CCDC134: variants seen among roughly 807,000 people sequenced by gnomAD.
CCDC134 encodes the protein coiled-coil domain-containing protein 134.
Under a neutral mutation model 25.6 loss-of-function variants are expected in CCDC134, and 27 were observed. The observed-to-expected ratio is 1.05, with a 90% CI of 0.78 to 1.45. The LOEUF is 1.45. CCDC134 is among the 40% of genes most tolerant of loss of function. The pLI, the probability that CCDC134 is intolerant of heterozygous loss-of-function variation, is 0.00. For missense variants in CCDC134, 261 were observed against 286.7 expected, an observed-to-expected ratio of 0.91 and a Z score of 0.65; for synonymous variants, 110 against 115.0, an observed-to-expected ratio of 0.96 and a Z score of 0.28.
At chr22:41,810,391 T>C in intron 4 of CCDC134, 100 bp downstream of exon 4, 1 of 1,129,402 alleles carries the variant, frequency 8.9e-7, no homozygotes, top group Non-Finnish European at 1.3e-6. Flanking sequence ...TCCCCGGAAG[T>C]GCCCTCTTGT....
chr22:41,828,644 T>A lies in CCDC134; in HGVS notation c.*2821T>A, dbSNP rs1404870675. ...CACTTGCTCCAGGAAGTCCACTTGC[T>A]GAGTCTTACTGCAGACAGAGCCCAC... is the stretch of plus-strand genomic sequence containing the variant. On this transcript the variant is annotated 3_prime_UTR_variant, in exon 7 of 7. Transcript: ENST00000255784. Among the ~76,000 whole-genome samples the A allele has an allele frequency of 6.6e-6, 1 of 152,236 alleles. No homozygotes were observed. Among genetic ancestry groups the A allele is most frequent in the Non-Finnish European group, 1.5e-5 (1 of 68,042 alleles).
Position 41,810,272 on chromosome 22 carries a change from G to T in CCDC134, c.291G>T (p.Gln97His), listed in dbSNP as rs371419353. The change falls in exon 4 of 7, where the codon CAG (glutamine) becomes CAT (histidine). Residue 97 changes from glutamine (Q) to histidine (H), a missense_variant. Gln to His is a conservative substitution (Grantham distance 24). Coordinates refer to ENST00000255784, the MANE Select transcript of CCDC134 (RefSeq NM_024821.5). The part of the protein sequence containing the change: ...ADVLPDGPFP[Q>H]DEKLKDAFSH... ...TGCTCCCAGATGGGCCCTTCCCCCA[G>T]GACGAGAAGCTGAAGGATGGTATGG... is the stretch of plus-strand genomic sequence containing the variant. 1.9e-6 allele frequency: 3 copies of T among 1,613,878 alleles called. No homozygotes were observed. In the African/African-American group the frequency reaches 4.0e-5, roughly 22 times the overall value.
intron 4 of CCDC134, among the ~76,000 whole-genome samples, chr22:41,812,926 G>A (rs77767895): frequency 0.017 from 2,640 of 152,292 alleles, 64 homozygotes; most frequent in African/African-American, 0.06. Flanking sequence ...CACAGCAAAT[G>A]TGTCTTCTAA....
intron 1 of CCDC134, among the ~76,000 whole-genome samples, chr22:41,807,285 C>T (rs6002495): frequency 0.18 from 27,215 of 152,070 alleles, 7,448 homozygotes; most frequent in African/African-American, 0.59. Flanking sequence ...CTATAGTAGC[C>T]GGGTGCAGTG....
Position 41,830,970 on chromosome 22 carries a change from C to T in CCDC134, c.*5147C>T, listed in dbSNP as rs1371648614. Among the ~76,000 whole-genome samples, 1 of 144,804 alleles carries T rather than the reference C, an allele frequency of 6.9e-6. No individual in the cohort carries two copies. Among genetic ancestry groups the T allele is most frequent in the Non-Finnish European group, 1.5e-5 (1 of 67,534 alleles). 95.0% of individuals were successfully genotyped at this position (144,804 alleles called of 152,430 possible). A position where few individuals can be genotyped will look rare whatever the true frequency, so the allele number is the denominator to read the frequency against. ...GCGCGATCTCTGCTCACCGTAACTT[C>T]TGCCTCCCGGGTTCAAGCAAGTCTC... is the stretch of plus-strand genomic sequence containing the variant. On this transcript the variant is annotated 3_prime_UTR_variant, in exon 7 of 7. Transcript: ENST00000255784.
At position 41,826,465 on chromosome 22, in the gene CCDC134, A is replaced by G. The variant is rs1027640433; in HGVS notation, c.*642A>G. Among the ~76,000 whole-genome samples the G allele has an allele frequency of 1.3e-5, 2 of 152,184 alleles. No homozygotes were observed. The highest frequency in any genetic ancestry group is 1.3e-4 in the Admixed American group (2 of 15,286). On this transcript the variant is annotated 3_prime_UTR_variant, in exon 7 of 7. Transcript: ENST00000255784. The stretch of plus-strand genomic sequence containing the variant: ...TCCTACGCCATCACTGCCCTTGACA[A>G]ATGATTGGTGTTGGGAAAGGACCTG...
intron 1 of CCDC134, among the ~76,000 whole-genome samples, chr22:41,804,143 A>T (rs1386780022): frequency 6.6e-6 from 1 of 152,184 alleles, no homozygotes; most frequent in Non-Finnish European, 1.5e-5. Flanking sequence ...AAAAAAAAAG[A>T]AACGAGTAAG....
In CCDC134 at chr22:41,827,306, G is replaced by A. The variant is rs762277922; in HGVS notation, c.*1483G>A. On this transcript the variant is annotated 3_prime_UTR_variant, in exon 7 of 7. Transcript: ENST00000255784. ...CAGTGGAGGCAGGGCAGTGTGGTGG[G>A]ACTGACTCAACAGACATAGTTTCAT... 4.3e-4 allele frequency among the ~76,000 whole-genome samples: 65 copies of A among 152,134 alleles called. No individual in the cohort carries two copies. The highest frequency in any genetic ancestry group is 8.4e-4 in the Non-Finnish European group (57 of 68,030).
chr22:41,815,085 T>C (rs1467540452), intron 6 of CCDC134, among the ~76,000 whole-genome samples: 1 of 151,942 alleles, frequency 6.6e-6, no homozygotes, highest in Admixed American at 6.6e-5. Context: ...TTTGTATCTT[T>C]GGTGTGCCCT....
Position 41,818,270 on chromosome 22 carries a change from G to T in CCDC134, c.564+4448G>T, listed in dbSNP as rs2076632268. ...GTTTTCTACCAGGAAACTTAATGAG[G>T]GACCTAGTGCCTGGGTTTTTACTGG... On this transcript the variant is annotated intron_variant, in intron 6 of 6. Transcript: ENST00000255784. Among the ~76,000 whole-genome samples the T allele has an allele frequency of 2.0e-5, 3 of 152,258 alleles. No individual in the cohort carries two copies. The South Asian group carries it at 6.2e-4, about 32-fold the overall frequency.
intron 6 of CCDC134, among the ~76,000 whole-genome samples, chr22:41,823,649 G>A (rs955666515): frequency 7.9e-5 from 12 of 152,158 alleles, no homozygotes; most frequent in African/African-American, 1.7e-4. Flanking sequence ...ATTTAGTCCC[G>A]TTCAGGGTCC....
At chr22:41,809,731 A>T in intron 2 of CCDC134, 148 bp from the exon 3 acceptor site, 1 of 968,300 alleles carries the variant, frequency 1.0e-6, no homozygotes, top group African/African-American at 1.6e-5. Flanking sequence ...TGCACTTGTC[A>T]GTTTGTTCAT....
chr22:41,830,658 C>T lies in CCDC134; in HGVS notation c.*4835C>T, dbSNP rs2076701297. Among the ~76,000 whole-genome samples the T allele has an allele frequency of 1.3e-5, 2 of 152,106 alleles. No homozygotes were observed. The highest frequency in any genetic ancestry group is 4.1e-4 in the South Asian group (2 of 4,834). On this transcript the variant is annotated 3_prime_UTR_variant, in exon 7 of 7. Transcript: ENST00000255784. Reference sequence around the variant, plus strand: ...GACGAGAACAATGTTGTCTTGCTTTCCCAAAAAATAAGACACTATCTATTT... The same window carrying T: ...GACGAGAACAATGTTGTCTTGCTTTTCCAAAAAATAAGACACTATCTATTT...
intron 4 of CCDC134, 64 bp downstream of exon 4, chr22:41,810,355 C>T: frequency 6.9e-7 from 1 of 1,441,532 alleles, no homozygotes; most frequent in Non-Finnish European, 9.6e-7. Flanking sequence ...TGCTCCTTCT[C>T]TCCTGTTCTT....
At chr22:41,808,743 G>T in intron 1 of CCDC134, 132 bp from the exon 2 acceptor site, 1 of 698,976 alleles carries the variant, frequency 1.4e-6, no homozygotes, top group Non-Finnish European at 2.5e-6. Context: ...CAGCTTCAGG[G>T]CTCCCCAAAG....
rs138885744 is a variant in CCDC134, at chr22:41,809,953, C to A, written c.178C>A (p.His60Asn). The change falls in exon 3 of 7, where the codon CAC becomes AAC. Residue 60 changes from histidine to asparagine, a missense_variant. Coordinates refer to ENST00000255784, the MANE Select transcript of CCDC134 (RefSeq NM_024821.5). The stretch of plus-strand genomic sequence containing the variant: ...GAACCTGGCACAGCTGAACGACATC[C>A]ACCAGCAGTACAAGATCCTTGATGT... The part of the protein sequence containing the change: ...LKNLAQLNDI[H>N]QQYKILDVML... The A allele has an allele frequency of 1.9e-6, 3 of 1,614,174 alleles. No individual in the cohort carries two copies. The highest frequency in any genetic ancestry group is 2.5e-6 in the Non-Finnish European group (3 of 1,180,038).
intron 2 of CCDC134, 93 bp from the exon 3 acceptor site, chr22:41,809,776 CCTTGCAGATA>C: frequency 6.8e-7 from 1 of 1,480,746 alleles, no homozygotes; most frequent in Middle Eastern, 1.8e-4. Context: ...TGTCCATGGC[CCTTGCAGATA>C]CTTGCTGGTC....
At position 41,825,615 on chromosome 22, in the gene CCDC134, T is replaced by TCC. The variant is rs1476827539; in HGVS notation, c.565-81_565-80dup. On this transcript the variant is annotated intron_variant, in intron 6 of 6. Coordinates refer to ENST00000255784, the MANE Select transcript of CCDC134 (RefSeq NM_024821.5). This position sits in a 1 kb window ranked among gnomAD's most constrained non-coding sequence, Gnocchi z 4.4. ...GCCTGTGTCCAGGGAACCTTCCTAT[T>TCC]CCCACACCCCGCTGGTGGCCTAGCT... 5 of 1,570,744 alleles carry TCC rather than the reference T, an allele frequency of 3.2e-6. No individual in the cohort carries two copies. The highest frequency in any genetic ancestry group is 4.3e-6 in the Non-Finnish European group (5 of 1,154,268).
At chr22:41,804,425 A>G (rs1325640643) in intron 1 of CCDC134, among the ~76,000 whole-genome samples, 1 of 152,220 alleles carries the variant, frequency 6.6e-6, no homozygotes, top group Non-Finnish European at 1.5e-5. Context: ...TCTAGAATTC[A>G]GGAGCTAGTC....
Sources: allele counts gnomAD v4.1 joint callset (sites outside exome capture counted in the v4.1 genomes callset), GRCh38; gene constraint gnomAD v4.1.1; non-coding constraint Gnocchi (gnomAD v3.1); transcripts MANE v1.5; gene names NCBI Gene and HGNC (gene_info 2026-07-23, HGNC 2026-07-21).